Variants in ENOX1 observed in about 807,000 individuals in gnomAD.
ENOX1 encodes ecto-NOX disulfide-thiol exchanger 1.
ENOX1 carries 42 observed loss-of-function variants against 82.5 expected under a neutral mutation model. The ratio of observed to expected loss-of-function variants is 0.51; its 90% CI spans 0.40 to 0.66. The LOEUF is 0.66. Ranked by LOEUF, ENOX1 falls within the 30% of genes least tolerant of loss-of-function variation. The probability of loss-of-function intolerance (pLI) is 0.00; values close to 1 mark genes in which losing one functional copy is unlikely to be tolerated. For missense variants in ENOX1, 608 were observed against 811.6 expected, an observed-to-expected ratio of 0.75 and a Z score of 3.05; for synonymous variants, 271 against 282.2, an observed-to-expected ratio of 0.96 and a Z score of 0.40.
chr13:43,492,454 T>C (rs2076652774), intron 2 of ENOX1, among the ~76,000 whole-genome samples: 1 of 152,170 alleles, frequency 6.6e-6, no homozygotes, highest in African/African-American at 2.4e-5. Context: ...GTCTTAAAAA[T>C]AGCCTTAATC....
At chr13:43,364,937 T>C (rs1056197375) in intron 5 of ENOX1, among the ~76,000 whole-genome samples, 8 of 152,152 alleles carry the variant, frequency 5.3e-5, no homozygotes, top group Non-Finnish European at 1.0e-4. Flanking sequence ...CATGGCTCTT[T>C]CATGGTGTGC....
chr13:43,480,080 G>T (rs1247520603), intron 3 of ENOX1, among the ~76,000 whole-genome samples: 1 of 151,940 alleles, frequency 6.6e-6, no homozygotes, highest in Non-Finnish European at 1.5e-5. Flanking sequence ...GGGATTACAG[G>T]CACCCACGAC....
At chr13:43,593,802 C>G (rs1043768796) in intron 2 of ENOX1, among the ~76,000 whole-genome samples, 1 of 151,824 alleles carries the variant, frequency 6.6e-6, no homozygotes, top group African/African-American at 2.4e-5. Flanking sequence ...CTTAACTTAT[C>G]CTTCTTCTAT....
intron 1 of ENOX1, among the ~76,000 whole-genome samples, chr13:43,747,985 A>T (rs1324078771): frequency 6.6e-6 from 1 of 152,196 alleles, no homozygotes; most frequent in Non-Finnish European, 1.5e-5. Flanking sequence ...ACCAACAGAA[A>T]TCACAGATAT....
chr13:43,450,502 G>T (rs1431361668), intron 3 of ENOX1, among the ~76,000 whole-genome samples: 2 of 152,176 alleles, frequency 1.3e-5, no homozygotes, highest in African/African-American at 4.8e-5. Context: ...AGGCACCAGG[G>T]TCAGTAGGAG....
chr13:43,276,145 C>T (rs1239095324), intron 12 of ENOX1, among the ~76,000 whole-genome samples: 1 of 152,146 alleles, frequency 6.6e-6, no homozygotes, highest in Admixed American at 6.5e-5. Context: ...TGGGATAATC[C>T]TTTAAGGCTA....
At chr13:43,404,301 G>T (rs2053662337) in intron 5 of ENOX1, among the ~76,000 whole-genome samples, 2 of 152,120 alleles carry the variant, frequency 1.3e-5, no homozygotes, top group African/African-American at 4.8e-5. Context: ...GCACCAACCT[G>T]CCAATCCCAC....
At chr13:43,366,832 TTG>T (rs1201350741) in intron 5 of ENOX1, among the ~76,000 whole-genome samples, 1 of 152,222 alleles carries the variant, frequency 6.6e-6, no homozygotes, top group Non-Finnish European at 1.5e-5. Context: ...TTTAATGTTC[TTG>T]TGAGGATTAA....
intron 2 of ENOX1, among the ~76,000 whole-genome samples, chr13:43,490,652 G>A (rs141683541): frequency 6.6e-6 from 1 of 152,296 alleles, no homozygotes; most frequent in East Asian, 1.9e-4. Context: ...TTGCTCTTCT[G>A]CCTTCTGCCA....
intron 5 of ENOX1, among the ~76,000 whole-genome samples, chr13:43,375,182 A>G (rs17064480): frequency 0.01 from 1,540 of 151,342 alleles, 30 homozygotes; most frequent in African/African-American, 0.036. Flanking sequence ...AATTCAATAT[A>G]TTCAGTGTAT....
chr13:43,520,989 T>G (rs530022015), intron 2 of ENOX1, among the ~76,000 whole-genome samples: 1 of 152,220 alleles, frequency 6.6e-6, no homozygotes, highest in Non-Finnish European at 1.5e-5. Flanking sequence ...TTGTAGAAAT[T>G]TGGTAATATA....
At chr13:43,226,741 C>T (rs2042041827) in intron 15 of ENOX1, among the ~76,000 whole-genome samples, 1 of 152,094 alleles carries the variant, frequency 6.6e-6, no homozygotes, top group South Asian at 2.1e-4. Flanking sequence ...AGGGGGTGCT[C>T]CTAGTCGGAA....
intron 1 of ENOX1, among the ~76,000 whole-genome samples, chr13:43,686,439 T>C (rs1466793607): frequency 1.3e-5 from 2 of 151,890 alleles, no homozygotes; most frequent in Non-Finnish European, 2.9e-5. Flanking sequence ...AATGCAGGAG[T>C]TCCTTATTTT....
intron 2 of ENOX1, among the ~76,000 whole-genome samples, chr13:43,600,591 G>A (rs1174621315): frequency 6.6e-6 from 1 of 152,140 alleles, no homozygotes; most frequent in Non-Finnish European, 1.5e-5. Flanking sequence ...CTAACCTGGG[G>A]GGGATCTTTC....
intron 9 of ENOX1, among the ~76,000 whole-genome samples, chr13:43,343,900 A>AT (rs1381181504): frequency 6.6e-6 from 1 of 152,094 alleles, no homozygotes; most frequent in Non-Finnish European, 1.5e-5. Flanking sequence ...GCCCTGGGTA[A>AT]TTACCCTGAC....
chr13:43,777,544 C>CT (rs34345866), intron 1 of ENOX1, among the ~76,000 whole-genome samples: 56,852 of 142,278 alleles, frequency 0.4, 13,418 homozygotes, highest in Non-Finnish European at 0.56. Flanking sequence ...TGTATTATTT[C>CT]TTTTTTTTTT....
intron 5 of ENOX1, among the ~76,000 whole-genome samples, chr13:43,396,241 A>C (rs1233084968): frequency 1.3e-5 from 2 of 152,182 alleles, no homozygotes; most frequent in Admixed American, 1.3e-4. Flanking sequence ...TTCAAAGTCT[A>C]GCAAGATTTG....
chr13:43,540,541 T>C (rs1228977869), intron 2 of ENOX1, among the ~76,000 whole-genome samples: 1 of 151,962 alleles, frequency 6.6e-6, no homozygotes, highest in Non-Finnish European at 1.5e-5. Context: ...CATAGAAAAG[T>C]ATGTTGGAAG....
At chr13:43,436,592 T>C (rs2056044692) in intron 3 of ENOX1, among the ~76,000 whole-genome samples, 1 of 152,196 alleles carries the variant, frequency 6.6e-6, no homozygotes, top group Non-Finnish European at 1.5e-5. Context: ...AGAAGAGTTA[T>C]ATAACAGCCT....
Sources: gnomAD v4.1 joint callset for allele counts (sites outside exome capture counted in the v4.1 genomes callset) on GRCh38, gnomAD v4.1.1 for gene constraint, MANE v1.5 for transcripts, NCBI Gene and HGNC (gene_info 2026-07-23, HGNC 2026-07-21) for gene names.